ST8SIA5: variants seen among roughly 807,000 people sequenced by gnomAD.
The protein encoded by ST8SIA5 is ST8 alpha-N-acetyl-neuraminide alpha-2,8-sialyltransferase 5, also known as alpha-2,8-sialyltransferase 8E.
ST8SIA5 carries 24 observed loss-of-function variants against 40.2 expected under a neutral mutation model. That is an observed-to-expected ratio of 0.60 (90% confidence interval 0.43 to 0.84). ST8SIA5 has a LOEUF of 0.84. ST8SIA5 is among the 40% of genes least tolerant of loss of function. The pLI is 0.00. For missense variants in ST8SIA5, 465 were observed against 498.5 expected (o/e 0.93, Z 0.64); for synonymous variants, 198 against 201.8 (o/e 0.98, Z 0.16).
chr18:46,732,186 C>T (rs1364001574), intron 1 of ST8SIA5, among the ~76,000 whole-genome samples: 3 of 152,358 alleles, frequency 2.0e-5, no homozygotes, highest in East Asian at 3.9e-4. Context: ...CCATTGGCAG[C>T]CCCTGAGTTG....
chr18:46,741,842 C>A (rs1845709830), intron 1 of ST8SIA5, among the ~76,000 whole-genome samples: 1 of 152,250 alleles, frequency 6.6e-6, no homozygotes, highest in Non-Finnish European at 1.5e-5. Flanking sequence ...TGGCTCACAC[C>A]TGTAATCCCA....
intron 1 of ST8SIA5, among the ~76,000 whole-genome samples, chr18:46,753,303 T>C (rs1424797909): frequency 6.6e-6 from 1 of 152,206 alleles, no homozygotes; most frequent in Non-Finnish European, 1.5e-5. Flanking sequence ...TTGGGCGCAG[T>C]GGCTCATGCC....
At chr18:46,718,635 T>C (rs1476563348) in intron 1 of ST8SIA5, among the ~76,000 whole-genome samples, 3 of 152,008 alleles carry the variant, frequency 2.0e-5, no homozygotes, top group Admixed American at 2.0e-4. Flanking sequence ...CCTGCTTGAG[T>C]ATATACAATG....
At chr18:46,747,339 T>G (rs929360516) in intron 1 of ST8SIA5, among the ~76,000 whole-genome samples, 1 of 152,056 alleles carries the variant, frequency 6.6e-6, no homozygotes, top group African/African-American at 2.4e-5. Context: ...AGGGTTAATA[T>G]CCAGAATCTA....
intron 5 of ST8SIA5, among the ~76,000 whole-genome samples, chr18:46,684,511 G>A (rs896379803): frequency 3.9e-5 from 6 of 152,104 alleles, no homozygotes; most frequent in African/African-American, 1.4e-4. Context: ...TTTCATTTTA[G>A]GAGATAAAGG....
chr18:46,723,007 G>A (rs983954638), intron 1 of ST8SIA5: 2 of 152,212 alleles, frequency 1.3e-5, no homozygotes, highest in African/African-American at 4.8e-5. Flanking sequence ...TCATAAACCT[G>A]TACCTCCCAT....
intron 1 of ST8SIA5, among the ~76,000 whole-genome samples, chr18:46,705,850 G>GGGA (rs2039665185): frequency 1.3e-5 from 2 of 152,182 alleles, no homozygotes; most frequent in Non-Finnish European, 2.9e-5. Flanking sequence ...GGCTCCCCAG[G>GGGA]GCCAAGGATT....
intron 1 of ST8SIA5, among the ~76,000 whole-genome samples, chr18:46,738,281 G>C (rs2040054683): frequency 6.6e-6 from 1 of 150,440 alleles, no homozygotes; most frequent in African/African-American, 2.5e-5. Flanking sequence ...GTGGGGCAAG[G>C]AAGAAGAGAC....
rs2039320717 is a variant in ST8SIA5 at position 46,673,398 on chromosome 18, C to A, written c.*6644G>T. ...CAGAAGTTGGGTTGTGTGCCAAATT[C>A]TTCTTTTCATTCTTTTCCTACTCAA... On this transcript the variant is annotated 3_prime_UTR_variant, in exon 7 of 7. Coordinates refer to ENST00000315087, the MANE Select transcript of ST8SIA5 (RefSeq NM_013305.6). 6.6e-6 allele frequency: 1 copy of A among 152,096 alleles called. No homozygotes were observed. Among genetic ancestry groups the A allele is most frequent in the Admixed American group, 6.5e-5 (1 of 15,278 alleles). 9.4% of individuals were successfully genotyped at this position (152,096 alleles called of 1,614,324 possible). A position where few individuals can be genotyped will look rare whatever the true frequency, so the allele number is the denominator to read the frequency against.
At chr18:46,714,509 C>T (rs1267106789) in intron 1 of ST8SIA5, among the ~76,000 whole-genome samples, 1 of 152,088 alleles carries the variant, frequency 6.6e-6, no homozygotes, top group Non-Finnish European at 1.5e-5. Context: ...GGGAGTTGAC[C>T]TGCAGTGAAG....
intron 1 of ST8SIA5, among the ~76,000 whole-genome samples, chr18:46,720,303 C>CCCCACCTTA (rs1712534260): frequency 6.6e-6 from 1 of 152,082 alleles, no homozygotes; most frequent in Admixed American, 6.5e-5. Flanking sequence ...AAGCATGGGC[C>CCCCACCTTA]CCCACCTTAC....
chr18:46,700,294 C>T (rs1360089885), intron 2 of ST8SIA5, among the ~76,000 whole-genome samples: 1 of 152,224 alleles, frequency 6.6e-6, no homozygotes, highest in Non-Finnish European at 1.5e-5. Flanking sequence ...CATACACCTC[C>T]CTGTCTCCTC....
At chr18:46,720,955 A>T (rs1488262692) in intron 1 of ST8SIA5, among the ~76,000 whole-genome samples, 2 of 152,104 alleles carry the variant, frequency 1.3e-5, no homozygotes, top group African/African-American at 4.8e-5. Context: ...TGGGCAAGGG[A>T]CTTCAGAGAA....
chr18:46,752,798 A>C (rs1222110466), intron 1 of ST8SIA5, among the ~76,000 whole-genome samples: 1 of 152,232 alleles, frequency 6.6e-6, no homozygotes, highest in Admixed American at 6.5e-5. Context: ...CCAGCTCAGC[A>C]CAGAAGCAAA....
chr18:46,715,409 A>G (rs1426407695), intron 1 of ST8SIA5, among the ~76,000 whole-genome samples: 1 of 152,168 alleles, frequency 6.6e-6, no homozygotes, highest in Non-Finnish European at 1.5e-5. Flanking sequence ...GAAAAACACT[A>G]AGCACACTTG....
rs2039333605 is a variant in ST8SIA5 at position 46,675,447 on chromosome 18, C to T, written c.*4595G>A. ...AGTTCAGATTGTTCTTTTAACTATA[C>T]CAGTTGAGGACATGTTGAGGTCTGA... On this transcript the variant is annotated 3_prime_UTR_variant, in exon 7 of 7. Transcript: ENST00000315087. 6.6e-6 allele frequency: 1 copy of T among 152,108 alleles called. No homozygotes were observed. The highest frequency in any genetic ancestry group is 2.4e-5 in the African/African-American group (1 of 41,406). The allele number at this position is 152,108 out of a possible 1,614,324, so 9.4% of individuals were successfully genotyped here. A position where few individuals can be genotyped will look rare whatever the true frequency, so the allele number is the denominator to read the frequency against.
intron 4 of ST8SIA5, among the ~76,000 whole-genome samples, chr18:46,688,451 G>A (rs2039469869): frequency 6.6e-6 from 1 of 152,184 alleles, no homozygotes; most frequent in Non-Finnish European, 1.5e-5. Context: ...CCTACCTCAG[G>A]AGGGGGACGA....
chr18:46,720,186 G>A (rs1378591539), intron 1 of ST8SIA5, among the ~76,000 whole-genome samples: 1 of 152,074 alleles, frequency 6.6e-6, no homozygotes, highest in East Asian at 1.9e-4. Context: ...TCTCCCAGGA[G>A]TCCAGTAGGG....
intron 1 of ST8SIA5, among the ~76,000 whole-genome samples, chr18:46,719,689 T>TCTTTCTTTCTTTCTTTCTTTCTTTCTTA (rs1491476995): frequency 9.0e-5 from 13 of 144,128 alleles, no homozygotes; most frequent in South Asian, 2.3e-4. Flanking sequence ...CTTTTTTCTT[T>TCTTTCTTTCTTTCTTTCTTTCTTTCTTA]CTTTCTTTCT....
Sources: allele counts gnomAD v4.1 joint callset (sites outside exome capture counted in the v4.1 genomes callset), GRCh38; gene constraint gnomAD v4.1.1; transcripts MANE v1.5; gene names NCBI Gene and HGNC (gene_info 2026-07-23, HGNC 2026-07-21).